Variants in COL21A1 observed in about 807,000 individuals in gnomAD.
COL21A1 encodes collagen type XXI alpha 1 chain, also known as collagen alpha-1(XXI) chain.
COL21A1 carries 149 observed loss-of-function variants against 137.9 expected under a neutral mutation model. The observed-to-expected ratio is 1.08, with a 90% CI of 0.95 to 1.24. The LOEUF is 1.24. Ranked by LOEUF, COL21A1 falls within the 50% of genes most tolerant of loss-of-function variation. COL21A1 has a pLI of 0.00. For synonymous variants in COL21A1, 456 were observed against 391.5 expected (o/e 1.16, Z -1.95); for missense variants, 1,167 against 1,158.4 (o/e 1.01, Z -0.11).
upstream of COL21A1, among the ~76,000 whole-genome samples, chr6:56,249,876 A>C (rs1433871377): frequency 6.6e-6 from 1 of 152,246 alleles, no homozygotes; most frequent in Non-Finnish European, 1.5e-5. Flanking sequence ...TATGTGAATT[A>C]TATATCAGTT....
At chr6:56,198,520 G>A (rs1779181013) in intron 1 of COL21A1, among the ~76,000 whole-genome samples, 1 of 151,930 alleles carries the variant, frequency 6.6e-6, no homozygotes, top group South Asian at 2.1e-4. Context: ...AAAAGCTGGG[G>A]TAAAATTGTT....
rs556652081 is a variant in COL21A1 at position 56,164,544 on chromosome 6, A to G, written c.1288-38T>C. 3.5e-5 allele frequency: 49 copies of G among 1,409,282 alleles called. 1 individual carries two copies. In the South Asian group the frequency reaches 5.5e-4, roughly 16 times the overall value. 87.3% of individuals were successfully genotyped at this position (1,409,282 alleles called of 1,614,324 possible). Reference sequence around the variant, plus strand: ...AAATGGAAACAGACAACAAGCATGGAAAGACATATAAGTACATGCACACGT... The same window carrying G: ...AAATGGAAACAGACAACAAGCATGGGAAGACATATAAGTACATGCACACGT... On this transcript the variant is annotated intron_variant, in intron 8 of 29. Transcript: ENST00000244728.
At chr6:56,189,291 A>G (rs1025065861) in intron 1 of COL21A1, among the ~76,000 whole-genome samples, 2 of 152,026 alleles carry the variant, frequency 1.3e-5, no homozygotes, top group African/African-American at 4.8e-5. Flanking sequence ...GATGGAGCTG[A>G]AAAACACAGC....
chr6:56,356,930 A>G (rs1364907074), intron 1 of COL21A1, among the ~76,000 whole-genome samples: 1 of 152,222 alleles, frequency 6.6e-6, no homozygotes, highest in Admixed American at 6.5e-5. Flanking sequence ...ACTAGAGGTC[A>G]GTTACATTTT....
intron 1 of COL21A1, among the ~76,000 whole-genome samples, chr6:56,344,509 TATC>T (rs1206964489): frequency 3.3e-5 from 5 of 152,364 alleles, no homozygotes; most frequent in South Asian, 4.1e-4. Context: ...AACAATGTAT[TATC>T]ATGTGTATAT....
intron 16 of COL21A1, among the ~76,000 whole-genome samples, chr6:56,101,958 A>G (rs1217884494): frequency 6.6e-6 from 1 of 152,118 alleles, no homozygotes; most frequent in African/African-American, 2.4e-5. Context: ...TTTCATTAGG[A>G]ATGGAGTTAT....
chr6:56,107,580 A>G (rs1412529395), intron 16 of COL21A1, among the ~76,000 whole-genome samples: 2 of 152,136 alleles, frequency 1.3e-5, no homozygotes, highest in East Asian at 3.9e-4. Context: ...AGGAAAGACA[A>G]TTAGATTGGC....
At chr6:56,159,476 G>A (rs190665717) in intron 9 of COL21A1, among the ~76,000 whole-genome samples, 23 of 151,998 alleles carry the variant, frequency 1.5e-4, no homozygotes, top group Admixed American at 6.5e-5. Flanking sequence ...GGGATTACAG[G>A]CATGCGCCAC....
intron 1 of COL21A1, among the ~76,000 whole-genome samples, chr6:56,380,853 T>C (rs1031419211): frequency 2.0e-5 from 3 of 152,028 alleles, no homozygotes; most frequent in Non-Finnish European, 4.4e-5. Flanking sequence ...GCATGAGTTA[T>C]AGCACTGTTG....
chr6:56,099,487 C>T (rs1770245281), intron 17 of COL21A1, among the ~76,000 whole-genome samples: 1 of 151,926 alleles, frequency 6.6e-6, no homozygotes, highest in African/African-American at 2.4e-5. Context: ...CCAGCCGCCT[C>T]GGCCTCCCAA....
chr6:56,179,840 G>A lies in COL21A1; in HGVS notation c.378C>T (p.Tyr126=). 4.3e-6 allele frequency: 7 copies of A among 1,613,954 alleles called. No individual in the cohort carries two copies. Among genetic ancestry groups the A allele is most frequent in the Non-Finnish European group, 5.9e-6 (7 of 1,179,884 alleles). The change falls in exon 3 of 30, where the codon TAC becomes TAT. Residue 126 remains tyrosine (Y), a synonymous_variant. Transcript: ENST00000244728. ...TGKAIQFALD[Y]LFAKSSRFLT... is the part of the protein sequence containing the mutation. ...GAAATCGTGAGGACTTGGCAAAAAG[G>A]TAATCGAGCGCAAACTGGATGGCCT...
intron 1 of COL21A1, among the ~76,000 whole-genome samples, chr6:56,194,816 A>G (rs779644417): frequency 8.3e-6 from 1 of 120,430 alleles, no homozygotes; most frequent in Admixed American, 8.5e-5. Flanking sequence ...CATTTTGGCT[A>G]CAGTTTGAAT....
At position 56,276,446 on chromosome 6, in the gene COL21A1, C is replaced by G. The variant is rs920812745; in HGVS notation, c.-38-93790G>C. 7 of 606,294 alleles carry G rather than the reference C, an allele frequency of 1.2e-5. No individual in the cohort carries two copies. The South Asian group carries it at 1.4e-4, about 12-fold the overall frequency. 37.6% of individuals were successfully genotyped at this position (606,294 alleles called of 1,614,324 possible). ...TTTTTTTTTTAAAGTCAACAAAAGT[C>G]TTTCTTTCTAATGTAAAAATACATA... On this transcript the variant is annotated intron_variant, in intron 1 of 28. Transcript: ENST00000370819.
At chr6:56,361,098 A>C (rs182314090) in intron 1 of COL21A1, among the ~76,000 whole-genome samples, 3 of 152,218 alleles carry the variant, frequency 2.0e-5, no homozygotes, top group Admixed American at 1.3e-4. Context: ...CGTCTCAATC[A>C]ATCAATCAAT....
intron 1 of COL21A1, among the ~76,000 whole-genome samples, chr6:56,215,727 A>T (rs926335563): frequency 6.6e-6 from 1 of 152,102 alleles, no homozygotes; most frequent in Non-Finnish European, 1.5e-5. Flanking sequence ...AACTGTAAGA[A>T]CTAAATAAAT....
rs185969612 is a variant in COL21A1, at chr6:56,225,508, T to C, written c.-39+21879A>G. Among the ~76,000 whole-genome samples the C allele has an allele frequency of 1.8e-4, 28 of 152,172 alleles. No homozygotes were observed. In the East Asian group the frequency reaches 4.6e-3, roughly 25 times the overall value. ...TGGAATGAAGGCAACAAAAATGTAC[T>C]TGACAGCAGAGACCTGGTATTTGGC... On this transcript the variant is annotated intron_variant, in intron 1 of 29. Coordinates refer to ENST00000244728, the MANE Select transcript of COL21A1 (RefSeq NM_030820.4).
chr6:56,137,656 T>C lies in COL21A1; in HGVS notation c.1542+4129A>G, dbSNP rs919061568. The stretch of plus-strand genomic sequence containing the variant: ...AAGACATCCAAAGAGAAGATAAAAA[T>C]CAAGTTTAGAACCAACAAAATATAA... On this transcript the variant is annotated intron_variant, in intron 12 of 29. Coordinates refer to ENST00000244728, the MANE Select transcript of COL21A1 (RefSeq NM_030820.4). 3.9e-5 allele frequency among the ~76,000 whole-genome samples: 6 copies of C among 152,044 alleles called. No individual in the cohort carries two copies. In the East Asian group the frequency reaches 9.7e-4, roughly 24 times the overall value.
At chr6:56,295,014 C>T (rs1262314616) in intron 1 of COL21A1, among the ~76,000 whole-genome samples, 1 of 151,986 alleles carries the variant, frequency 6.6e-6, no homozygotes, top group Non-Finnish European at 1.5e-5. Context: ...AAGTCAAAGT[C>T]ACTTAAGAGT....
At position 56,316,476 on chromosome 6, in the gene COL21A1, A is replaced by AATTTTTTTTT. The variant is rs776151498; in HGVS notation, c.-39+77494_-39+77495insAAAAAAAAAT. Among the ~76,000 whole-genome samples, 14 of 30,356 alleles carry AATTTTTTTTT rather than the reference A, an allele frequency of 4.6e-4. 1 individual carries two copies. The highest frequency in any genetic ancestry group is 8.9e-4 in the Non-Finnish European group (11 of 12,392). The allele number at this position is 30,356 out of a possible 152,430, so 19.9% of individuals were successfully genotyped here. ...GCACACCTTTTAAAATTCTAAATAG[A>AATTTTTTTTT]CTTTTTTTTTTTTTTTTTTTTTTGA... On this transcript the variant is annotated intron_variant, in intron 1 of 28. Coordinates refer to the COL21A1 transcript ENST00000370819.
Sources: gnomAD v4.1 joint callset for allele counts (sites outside exome capture counted in the v4.1 genomes callset) on GRCh38, gnomAD v4.1.1 for gene constraint, MANE v1.5 for transcripts, NCBI Gene and HGNC (gene_info 2026-07-23, HGNC 2026-07-21) for gene names.